FAM220A: variants seen among roughly 807,000 people sequenced by gnomAD.
FAM220A encodes protein FAM220A.
For missense variants in FAM220A, 392 were observed against 321.6 expected, an observed-to-expected ratio of 1.22 and a Z score of -1.68; for synonymous variants, 141 against 130.7, an observed-to-expected ratio of 1.08 and a Z score of -0.54.
At position 6,331,050 on chromosome 7, in the gene FAM220A, C is replaced by A. The variant is rs150040706; in HGVS notation, c.105G>T (p.Pro35=). The change falls in exon 2 of 2, where the codon CCG becomes CCT. Residue 35 remains proline, a synonymous_variant. Transcript: ENST00000313324. ...KLSCSLKKRM[P]EGPWPADAPS... Reference sequence around the variant, plus strand: ...GTGCATCTGCAGGCCAAGGGCCCTCCGGCATTCTTTTCTTAAGGCTGCATG... The same window carrying A: ...GTGCATCTGCAGGCCAAGGGCCCTCAGGCATTCTTTTCTTAAGGCTGCATG... 4.3e-6 allele frequency: 7 copies of A among 1,613,750 alleles called. No homozygotes were observed. The highest frequency in any genetic ancestry group is 5.1e-6 in the Non-Finnish European group (6 of 1,180,046).
intron 1 of FAM220A, among the ~76,000 whole-genome samples, chr7:6,338,125 A>G (rs993189962): frequency 6.6e-6 from 1 of 152,184 alleles, no homozygotes; most frequent in Non-Finnish European, 1.5e-5. Context: ...TCAACAGGTT[A>G]TCAAAAACAT....
At chr7:6,332,254 C>G (rs1176237466) in intron 1 of FAM220A, among the ~76,000 whole-genome samples, 1 of 152,058 alleles carries the variant, frequency 6.6e-6, no homozygotes, top group Non-Finnish European at 1.5e-5. Context: ...CTTTACAACT[C>G]TGTCATTTGC....
At chr7:6,331,307 A>G (rs1781630131) in intron 1 of FAM220A, 72 bp from the exon 2 acceptor site, 1 of 694,454 alleles carries the variant, frequency 1.4e-6, no homozygotes, top group East Asian at 2.7e-5. Context: ...CACCCACCAA[A>G]TATTTCCTAA....
chr7:6,331,102 G>A lies in FAM220A; in HGVS notation c.53C>T (p.Ala18Val). 1 of 1,613,362 alleles carries A rather than the reference G, an allele frequency of 6.2e-7. No homozygotes were observed. The highest frequency in any genetic ancestry group is 8.5e-7 in the Non-Finnish European group (1 of 1,180,036). ...LGTCLAQVQQ[A>V]GGGDSDKLSC... ...TAGTTTGTCCGAGTCACCTCCTCCG[G>A]CCTGCTGCACTTGTGCCAGGCAGGT... The change falls in exon 2 of 2, where the codon GCC becomes GTC. Residue 18 changes from alanine (A) to valine (V), a missense_variant. By Grantham distance (64) the Ala-to-Val change is moderately conservative. Coordinates refer to ENST00000313324, the MANE Select transcript of FAM220A (RefSeq NM_001037163.2).
intron 1 of FAM220A, among the ~76,000 whole-genome samples, chr7:6,339,632 C>A (rs1331018016): frequency 6.6e-6 from 1 of 151,756 alleles, no homozygotes; most frequent in Non-Finnish European, 1.5e-5. Context: ...TACAGGCGCC[C>A]GCCACCACGC....
At chr7:6,336,435 C>G (rs1399170497) in intron 1 of FAM220A, among the ~76,000 whole-genome samples, 1 of 152,060 alleles carries the variant, frequency 6.6e-6, no homozygotes, top group East Asian at 1.9e-4. Flanking sequence ...AATCCCAACA[C>G]TTTGGGAGGC....
intron 1 of FAM220A, among the ~76,000 whole-genome samples, chr7:6,336,783 C>T (rs1430037767): frequency 6.6e-6 from 1 of 151,448 alleles, no homozygotes; most frequent in Non-Finnish European, 1.5e-5. Flanking sequence ...GCCTCCCAAG[C>T]AGCTGGAACC....
intron 1 of FAM220A, among the ~76,000 whole-genome samples, chr7:6,333,071 T>G (rs985583848): frequency 1.3e-5 from 2 of 151,104 alleles, no homozygotes; most frequent in African/African-American, 4.9e-5. Flanking sequence ...GCGAGAGAAT[T>G]GCGTGAACCC....
intron 1 of FAM220A, among the ~76,000 whole-genome samples, chr7:6,345,441 T>C (rs1323212271): frequency 2.6e-5 from 4 of 152,086 alleles, no homozygotes; most frequent in African/African-American, 9.7e-5. Context: ...TTTTAGAAGT[T>C]GCCTCTGATT....
Position 6,348,896 on chromosome 7 carries a change from C to G in FAM220A, c.-405G>C. The G allele has an allele frequency of 7.7e-6, 3 of 387,534 alleles. No individual in the cohort carries two copies. The highest frequency in any genetic ancestry group is 4.5e-5 in the Admixed American group (1 of 22,330). The allele number at this position is 387,534 out of a possible 1,614,324, so 24.0% of individuals were successfully genotyped here. ...GGCGGGCGGGCGGGCCGCAGTGGAG[C>G]GGAGTCCGCACGTCACGCTCGGAGA... On this transcript the variant is annotated 5_prime_UTR_variant, in exon 1 of 2. Coordinates refer to ENST00000313324, the MANE Select transcript of FAM220A (RefSeq NM_001037163.2).
At chr7:6,333,789 T>C (rs1250971799) in intron 1 of FAM220A, among the ~76,000 whole-genome samples, 1 of 148,608 alleles carries the variant, frequency 6.7e-6, no homozygotes, top group African/African-American at 2.5e-5. Context: ...TTTTTTTTAA[T>C]AGAGACAGGG....
Position 6,331,060 on chromosome 7 carries a change from T to C in FAM220A, c.95A>G (p.Lys32Arg). The C allele has an allele frequency of 6.2e-7, 1 of 1,613,786 alleles. No individual in the cohort carries two copies. The highest frequency in any genetic ancestry group is 1.1e-5 in the South Asian group (1 of 91,090). Reference sequence around the variant, plus strand: ...AGGCCAAGGGCCCTCCGGCATTCTTTTCTTAAGGCTGCATGATAGTTTGTC... The same window carrying C: ...AGGCCAAGGGCCCTCCGGCATTCTTCTCTTAAGGCTGCATGATAGTTTGTC... ...DSDKLSCSLK[K>R]RMPEGPWPAD... The change falls in exon 2 of 2, where the codon AAA becomes AGA. Residue 32 changes from lysine (K) to arginine (R), a missense_variant. Transcript: ENST00000313324.
intron 1 of FAM220A, among the ~76,000 whole-genome samples, chr7:6,347,456 C>T (rs1424627618): frequency 6.6e-6 from 1 of 151,464 alleles, no homozygotes; most frequent in Non-Finnish European, 1.5e-5. Context: ...GCAGAGGTTG[C>T]AGTGAGCTGA....
intron 1 of FAM220A, among the ~76,000 whole-genome samples, chr7:6,337,553 A>G (rs1781771424): frequency 6.6e-6 from 1 of 151,776 alleles, no homozygotes; most frequent in Admixed American, 6.6e-5. Context: ...ACATTTCTAG[A>G]ATTGTGTTAA....
chr7:6,344,535 C>G (rs1302750195), intron 1 of FAM220A, among the ~76,000 whole-genome samples: 1 of 152,084 alleles, frequency 6.6e-6, no homozygotes, highest in African/African-American at 2.4e-5. Flanking sequence ...TGATCCACCT[C>G]AGTCTCCCAA....
intron 1 of FAM220A, among the ~76,000 whole-genome samples, chr7:6,333,803 C>T (rs1250569299): frequency 6.7e-6 from 1 of 149,962 alleles, no homozygotes; most frequent in African/African-American, 2.5e-5. Flanking sequence ...GACAGGGTCT[C>T]CCCATGTTGC....
intron 1 of FAM220A, among the ~76,000 whole-genome samples, chr7:6,345,959 G>A (rs996661701): frequency 1.3e-5 from 2 of 151,900 alleles, no homozygotes; most frequent in Non-Finnish European, 2.9e-5. Context: ...AGTAGAGATG[G>A]GGTTTTGCCA....
At chr7:6,337,020 A>G (rs1428169716) in intron 1 of FAM220A, among the ~76,000 whole-genome samples, 3 of 151,998 alleles carry the variant, frequency 2.0e-5, no homozygotes, top group African/African-American at 4.8e-5. Context: ...TTATCCTTAA[A>G]CGGAAGGATT....
rs1014768099 is a variant in FAM220A, at chr7:6,348,893, G to A, written c.-402C>T. 2 of 387,870 alleles carry A rather than the reference G, an allele frequency of 5.2e-6. No individual in the cohort carries two copies. Among genetic ancestry groups the A allele is most frequent in the African/African-American group, 2.1e-5 (1 of 48,086 alleles). The allele number at this position is 387,870 out of a possible 1,614,324, so 24.0% of individuals were successfully genotyped here. On this transcript the variant is annotated 5_prime_UTR_variant, in exon 1 of 2. Transcript: ENST00000313324. ...ACCGGCGGGCGGGCGGGCCGCAGTG[G>A]AGCGGAGTCCGCACGTCACGCTCGG... is the stretch of plus-strand genomic sequence containing the variant.
Sources: allele counts gnomAD v4.1 joint callset (sites outside exome capture counted in the v4.1 genomes callset), GRCh38; gene constraint gnomAD v4.1.1; transcripts MANE v1.5; gene names NCBI Gene and HGNC (gene_info 2026-07-23, HGNC 2026-07-21).